The following LIME1 variants were observed in gnomAD, a reference collection of about 807,000 sequenced individuals.
LIME1 encodes the protein lck-interacting transmembrane adapter 1.
LIME1 carries 23 observed loss-of-function variants against 18.8 expected under a neutral mutation model. The ratio of observed to expected loss-of-function variants is 1.22; its 90% CI spans 0.88 to 1.73. LIME1 has a LOEUF of 1.73. LIME1 is among the 40% of genes most tolerant of loss of function. The pLI, the probability that LIME1 is intolerant of heterozygous loss-of-function variation, is 0.00. For missense variants in LIME1, 423 were observed against 396.8 expected (o/e 1.07, Z -0.56); for synonymous variants, 177 against 182.3 (o/e 0.97, Z 0.23).
chr20:63,738,086 G>C (rs1568808125), intron 4 of LIME1, 26 bp downstream of exon 4: 5 of 1,519,144 alleles, frequency 3.3e-6, no homozygotes, highest in African/African-American at 1.4e-5. Flanking sequence ...GGCGGGGGCG[G>C]CCGGGCGGGG....
Position 63,736,707 on chromosome 20 carries a change from G to C in LIME1, c.-23G>C. ...ACAGAGCTGAGGACCCCTGGCCGTGGGCTTGGTAAGTGCCCTCCTGGGGGG... is the reference window on the plus strand; with the variant it reads ...ACAGAGCTGAGGACCCCTGGCCGTGCGCTTGGTAAGTGCCCTCCTGGGGGG... On this transcript the variant is annotated 5_prime_UTR_variant, in exon 1 of 6. Coordinates refer to ENST00000309546, the MANE Select transcript of LIME1 (RefSeq NM_017806.4). 1 of 985,674 alleles carries C rather than the reference G, an allele frequency of 1.0e-6. No individual in the cohort carries two copies. The highest frequency in any genetic ancestry group is 1.2e-6 in the Non-Finnish European group (1 of 830,108). 61.1% of individuals were successfully genotyped at this position (985,674 alleles called of 1,614,324 possible). A position where few individuals can be genotyped will look rare whatever the true frequency, so the allele number is the denominator to read the frequency against.
intron 1 of LIME1, 117 bp from the exon 2 acceptor site, chr20:63,737,416 C>T (rs530676562): frequency 7.3e-7 from 1 of 1,375,056 alleles, no homozygotes; most frequent in African/African-American, 1.5e-5. Context: ...TGTGCTGAGT[C>T]AGAGCTGGAA....
chr20:63,736,088 A>G, upstream of LIME1: 3 of 923,368 alleles, frequency 3.2e-6, no homozygotes, highest in Non-Finnish European at 4.8e-6. Context: ...CCCACCTGCC[A>G]GTGTCTTGGG....
intron 1 of LIME1, 187 bp downstream of exon 1, chr20:63,736,899 C>T: frequency 1.0e-6 from 1 of 985,970 alleles, no homozygotes; most frequent in Non-Finnish European, 1.2e-6. Flanking sequence ...AGGCATCCCC[C>T]ACCCCGAGAA....
upstream of LIME1, chr20:63,736,600 G>T (rs1261442567): frequency 6.1e-6 from 6 of 986,954 alleles, no homozygotes; most frequent in Non-Finnish European, 7.2e-6. Context: ...GCTCAGGGGA[G>T]GCGCTTGGCG....
At chr20:63,737,052 G>A in intron 1 of LIME1, 5 of 986,896 alleles carry the variant, frequency 5.1e-6, no homozygotes, top group Non-Finnish European at 4.8e-6. Flanking sequence ...CAGCTCCTCC[G>A]GGTGCAGGGT....
Position 63,737,602 on chromosome 20 carries a change from G to A in LIME1, c.53G>A (p.Cys18Tyr), listed in dbSNP as rs1443004729. Residue 18 changes from cysteine to tyrosine, a missense_variant, in exon 2 of 6, where the codon TGC becomes TAC. Physicochemically the swap from Cys to Tyr is radical, Grantham distance 194 (BLOSUM62 -2). Coordinates refer to ENST00000309546, the MANE Select transcript of LIME1 (RefSeq NM_017806.4). ...APPALWVLGC[C>Y]ALLLSLWALC... The stretch of plus-strand genomic sequence containing the variant: ...CCTGCCCTCTGGGTTCTAGGGTGCT[G>A]CGCCCTGCTCCTCTCGCTGTGGGCG... 6 of 1,604,078 alleles carry A rather than the reference G, an allele frequency of 3.7e-6. No homozygotes were observed. The highest frequency in any genetic ancestry group is 5.1e-6 in the Non-Finnish European group (6 of 1,176,758).
chr20:63,736,167 G>C (rs1198921548), upstream of LIME1: 1 of 545,384 alleles, frequency 1.8e-6, no homozygotes. Flanking sequence ...GCTGGCTGCA[G>C]GGTCTCTGGG....
At chr20:63,738,576 C>T (rs370081076) in intron 5 of LIME1, 22 bp from the exon 6 acceptor site, 36 of 1,534,680 alleles carry the variant, frequency 2.3e-5, no homozygotes, top group Non-Finnish European at 2.4e-5. Context: ...GACCCCTCCT[C>T]GGGTTGGCTT....
chr20:63,737,787 A>ACGC, intron 2 of LIME1, 34 bp from the exon 3 acceptor site: 23 of 1,322,752 alleles, frequency 1.7e-5, no homozygotes, highest in Non-Finnish European at 2.0e-5. Flanking sequence ...GAGGCTGACG[A>ACGC]CCCCGCCCCC....
At chr20:63,735,980 C>G (rs922543962), upstream of LIME1, 1 of 1,563,552 alleles carries the variant, frequency 6.4e-7, no homozygotes, top group Non-Finnish European at 8.7e-7. Flanking sequence ...CTCAGGAAGA[C>G]CAGTGTTGCC....
upstream of LIME1, chr20:63,736,418 C>T (rs2091990705): frequency 5.2e-6 from 1 of 193,600 alleles, no homozygotes; most frequent in Admixed American, 5.6e-5. Context: ...GGACCTGGCC[C>T]TGTGGGTTTG....
chr20:63,737,864 C>G lies in LIME1; in HGVS notation c.142C>G (p.Arg48Gly), dbSNP rs1568807578. The change falls in exon 3 of 6, where the codon CGG becomes GGG. Residue 48 changes from arginine to glycine, a missense_variant. Physicochemically the swap from Arg to Gly is moderately radical, Grantham distance 125. Coordinates refer to ENST00000309546, the MANE Select transcript of LIME1 (RefSeq NM_017806.4). ...CCCCAGGAAGAGGGCGCGGAGGCAGCGGGCGAGGCTGCAGGGCAGTGCGAC... is the reference window on the plus strand; with the variant it reads ...CCCCAGGAAGAGGGCGCGGAGGCAGGGGGCGAGGCTGCAGGGCAGTGCGAC... ...VAPRKRARRQ[R>G]ARLQGSATAA... 4 of 1,568,894 alleles carry G rather than the reference C, an allele frequency of 2.5e-6. No homozygotes were observed. The South Asian group carries it at 4.6e-5, about 18-fold the overall frequency.
chr20:63,738,438 G>A lies in LIME1; in HGVS notation c.524G>A (p.Gly175Glu). The change falls in exon 5 of 6, where the codon GGG becomes GAG. Residue 175 changes from glycine (G) to glutamate (E), a missense_variant. By Grantham distance (98) the Gly-to-Glu change is moderately conservative. Transcript: ENST00000309546. The stretch of plus-strand genomic sequence containing the variant: ...TATGCCCGCGTCCAGAAGCGCAAAG[G>A]GACCCATCGCAGTCCCCAAGAGCCA... ...AEYARVQKRK[G>E]THRSPQEPQQ... The A allele has an allele frequency of 6.5e-7, 1 of 1,540,564 alleles. No homozygotes were observed. Among genetic ancestry groups the A allele is most frequent in the Admixed American group, 2.0e-5 (1 of 50,130 alleles).
At chr20:63,736,860 G>A in intron 1 of LIME1, 148 bp downstream of exon 1, 1 of 987,020 alleles carries the variant, frequency 1.0e-6, no homozygotes, top group South Asian at 4.7e-5. Flanking sequence ...CCCAGCTTCT[G>A]TCTCTGCTGC....
At chr20:63,737,743 C>G in intron 2 of LIME1, 78 bp from the exon 3 acceptor site, 1 of 1,416,280 alleles carries the variant, frequency 7.1e-7, no homozygotes, top group Non-Finnish European at 9.2e-7. Context: ...GCGCACCCAG[C>G]TCGGCACGCG....
upstream of LIME1, chr20:63,736,281 G>A (rs1056118112): frequency 4.4e-5 from 10 of 226,712 alleles, no homozygotes; most frequent in African/African-American, 1.4e-4. Context: ...AAGGCAGATC[G>A]GAGGCCAGGG....
upstream of LIME1, chr20:63,735,901 G>A: frequency 1.2e-6 from 2 of 1,612,650 alleles, no homozygotes; most frequent in African/African-American, 1.3e-5. Flanking sequence ...ACACCCACAA[G>A]AAGATGACTG....
chr20:63,738,943 C>G lies in LIME1; in HGVS notation c.*43C>G. On this transcript the variant is annotated 3_prime_UTR_variant, in exon 6 of 6. Coordinates refer to ENST00000309546, the MANE Select transcript of LIME1 (RefSeq NM_017806.4). ...CTCCTTCCTCCAGAGTGAGGCCCGT[C>G]CCCCGCCCCGCCCCGCCTCACAGCT... 6.9e-7 allele frequency: 1 copy of G among 1,441,676 alleles called. No homozygotes were observed. The highest frequency in any genetic ancestry group is 9.2e-7 in the Non-Finnish European group (1 of 1,086,256). The allele number at this position is 1,441,676 out of a possible 1,614,324, so 89.3% of individuals were successfully genotyped here. A position where few individuals can be genotyped will look rare whatever the true frequency, so the allele number is the denominator to read the frequency against.
Sources: gnomAD v4.1 joint callset for allele counts on GRCh38, gnomAD v4.1.1 for gene constraint, MANE v1.5 for transcripts, NCBI Gene and HGNC (gene_info 2026-07-23, HGNC 2026-07-21) for gene names.